The following HECTD4 variants were observed in gnomAD, a reference collection of about 807,000 sequenced individuals.
HECTD4 encodes the protein HECT domain E3 ubiquitin protein ligase 4, also known as probable E3 ubiquitin-protein ligase HECTD4.
Under a neutral mutation model 471.5 loss-of-function variants are expected in HECTD4, and 114 were observed. The observed-to-expected ratio is 0.24, with a 90% CI of 0.21 to 0.28. The LOEUF is 0.28. Among genes scored for constraint, HECTD4 ranks in the 10% least tolerant of loss-of-function variants. The pLI is 1.00. For missense variants in HECTD4, 3,866 were observed against 5,651.5 expected, an observed-to-expected ratio of 0.68 and a Z score of 10.13; for synonymous variants, 2,012 against 2,256.0, an observed-to-expected ratio of 0.89 and a Z score of 3.07.
chr12:112,233,155 G>A (rs2033422427), intron 37 of HECTD4, 70 bp from the exon 38 acceptor site: 5 of 1,232,122 alleles, frequency 4.1e-6, no homozygotes, highest in Non-Finnish European at 5.8e-6. Flanking sequence ...CATGCCATGG[G>A]GTCACCCAGT....
In HECTD4 at chr12:112,167,885, A is replaced by G; in HGVS notation, c.12241T>C (p.Cys4081Arg). Residue 4081 changes from cysteine (C) to arginine (R), a missense_variant, in exon 71 of 76, where the codon TGT (cysteine) becomes CGT (arginine). Physicochemically the swap from Cys to Arg is radical, Grantham distance 180 (BLOSUM62 -3). This residue lies in a region of HECTD4 where 715 missense variants were observed against 1,087.6 expected (regional missense o/e 0.66). Transcript: ENST00000682272. ...GSFRHFLWQVCKELQSSSLSL... is the reference protein window; with the variant it reads ...GSFRHFLWQVRKELQSSSLSL... The stretch of plus-strand genomic sequence containing the variant: ...AGCGAGGAACTCTGCAGCTCCTTAC[A>G]CACCTGCCACAGGAAGTGGCGGAAA... The G allele has an allele frequency of 6.2e-7, 1 of 1,613,388 alleles. No homozygotes were observed. The highest frequency in any genetic ancestry group is 8.5e-7 in the Non-Finnish European group (1 of 1,179,854).
At chr12:112,191,637 G>C (rs1419887123) in intron 59 of HECTD4, among the ~76,000 whole-genome samples, 1 of 152,128 alleles carries the variant, frequency 6.6e-6, no homozygotes, top group Non-Finnish European at 1.5e-5. Context: ...TGTATACTCT[G>C]GGGTGAATGT....
chr12:112,196,259 C>A (rs1417001665), intron 55 of HECTD4, among the ~76,000 whole-genome samples: 1 of 152,104 alleles, frequency 6.6e-6, no homozygotes, highest in Non-Finnish European at 1.5e-5. Context: ...GGTGTAATGG[C>A]AATTAAAGAA....
intron 72 of HECTD4, 90 bp downstream of exon 72, chr12:112,167,227 G>T (rs1347783383): frequency 5.1e-6 from 6 of 1,167,354 alleles, no homozygotes; most frequent in Non-Finnish European, 7.4e-6. Context: ...CCCAGCCTCA[G>T]CGGGGAGCTC....
At chr12:112,168,869 G>A (rs968110820) in intron 70 of HECTD4, among the ~76,000 whole-genome samples, 1 of 152,226 alleles carries the variant, frequency 6.6e-6, no homozygotes, top group Non-Finnish European at 1.5e-5. Flanking sequence ...GTTGCTCTCA[G>A]AGAGGCCTAG....
chr12:112,266,821 A>C, intron 14 of HECTD4, 91 bp downstream of exon 14: 1 of 729,216 alleles, frequency 1.4e-6, no homozygotes, highest in Admixed American at 2.3e-5. Flanking sequence ...AACATACATG[A>C]AGAAGTGTAA....
At chr12:112,299,080 G>C (rs1349355425) in intron 7 of HECTD4, among the ~76,000 whole-genome samples, 1 of 152,098 alleles carries the variant, frequency 6.6e-6, no homozygotes, top group African/African-American at 2.4e-5. Context: ...GTTTTTCAAT[G>C]ATGAAAAATT....
At position 112,300,759 on chromosome 12, in the gene HECTD4, G is replaced by A. The variant is rs2035146307; in HGVS notation, c.1335+5305C>T. Among the ~76,000 whole-genome samples the A allele has an allele frequency of 2.0e-5, 3 of 151,974 alleles. 1 individual carries two copies. The Middle Eastern group carries it at 0.01, about 520-fold the overall frequency. The stretch of plus-strand genomic sequence containing the variant: ...ACTACAGGAGTGTGCCATCATGCCT[G>A]CATAATCTAAAAAAAATTTTTGTAG... On this transcript the variant is annotated intron_variant, in intron 7 of 75. Coordinates refer to ENST00000682272, the MANE Select transcript of HECTD4 (RefSeq NM_001388303.1).
chr12:112,366,794 C>T (rs545307536), intron 1 of HECTD4, among the ~76,000 whole-genome samples: 1 of 149,994 alleles, frequency 6.7e-6, no homozygotes, highest in Non-Finnish European at 1.5e-5. Flanking sequence ...GCAGGAGAAT[C>T]GCTTGAACCC....
chr12:112,200,861 G>C, intron 54 of HECTD4, 63 bp from the exon 55 acceptor site: 1 of 1,460,788 alleles, frequency 6.8e-7, no homozygotes, highest in Non-Finnish European at 9.4e-7. Flanking sequence ...GTGTGCGTGC[G>C]TGCGTGTGTG....
At chr12:112,326,764 A>C (rs1389860134) in intron 1 of HECTD4, among the ~76,000 whole-genome samples, 1 of 152,214 alleles carries the variant, frequency 6.6e-6, no homozygotes, top group African/African-American at 2.4e-5. Context: ...TCCTGTAAGG[A>C]TAAACATCGA....
rs752326847 is a variant in HECTD4 at position 112,163,026 on chromosome 12, C to T, written c.13120+16G>A. On this transcript the variant is annotated intron_variant, in intron 75 of 75. Coordinates refer to ENST00000682272, the MANE Select transcript of HECTD4 (RefSeq NM_001388303.1). The surrounding 1 kb of genome is among the most constrained non-coding windows in gnomAD (Gnocchi z 8.2). ...AGTGTGTCCCTACTTGGGACATGGC[C>T]AGGGGAGGGCGGTACCTGCTGTGCC... is the stretch of plus-strand genomic sequence containing the variant. The T allele has an allele frequency of 5.1e-6, 8 of 1,578,582 alleles. No individual in the cohort carries two copies. The highest frequency in any genetic ancestry group is 2.7e-5 in the African/African-American group (2 of 74,276).
chr12:112,287,390 C>A (rs1196345265), intron 7 of HECTD4, among the ~76,000 whole-genome samples: 9 of 152,106 alleles, frequency 5.9e-5, no homozygotes, highest in African/African-American at 1.9e-4. Context: ...GCTTAGTCAT[C>A]TGGATCATAA....
intron 60 of HECTD4, among the ~76,000 whole-genome samples, chr12:112,189,334 C>T (rs995060667): frequency 3.3e-5 from 5 of 151,836 alleles, no homozygotes; most frequent in African/African-American, 1.2e-4. Context: ...GGGTGGATCA[C>T]GAGGTCAGGA....
At chr12:112,241,946 A>T (rs2135578440) in intron 32 of HECTD4, among the ~76,000 whole-genome samples, 2 of 152,312 alleles carry the variant, frequency 1.3e-5, no homozygotes, top group South Asian at 4.1e-4. Flanking sequence ...GTTGGCCAGA[A>T]TTCCTCAAAG....
Position 112,270,661 on chromosome 12 carries a change from T to C in HECTD4, c.1943-202A>G, listed in dbSNP as rs536955653. On this transcript the variant is annotated intron_variant, in intron 11 of 75. Transcript: ENST00000682272. Reference sequence around the variant, plus strand: ...TTGGGGAGTTCATTTGTTTGGAACATAAGTAGCTACCACTTCCTGAGCCCT... The same window carrying C: ...TTGGGGAGTTCATTTGTTTGGAACACAAGTAGCTACCACTTCCTGAGCCCT... Among the ~76,000 whole-genome samples the C allele has an allele frequency of 7.2e-5, 11 of 152,326 alleles. 1 individual carries two copies. In the East Asian group the frequency reaches 1.7e-3, roughly 24 times the overall value.
In HECTD4 at chr12:112,352,273, C is replaced by T. The variant is rs190878513; in HGVS notation, c.177+29679G>A. On this transcript the variant is annotated intron_variant, in intron 1 of 75. Coordinates refer to ENST00000682272, the MANE Select transcript of HECTD4 (RefSeq NM_001388303.1). ...TAGAATTGCTTTGAGAGCTTTTAAA[C>T]GAGACTAATGAGTTGGTCTCATCCC... Among the ~76,000 whole-genome samples, 560 of 151,356 alleles carry T rather than the reference C, an allele frequency of 3.7e-3. 2 individuals are homozygous for T. Among genetic ancestry groups the T allele is most frequent in the African/African-American group, 0.013 (532 of 41,234 alleles).
At chr12:112,376,731 T>C (rs556504809) in intron 1 of HECTD4, among the ~76,000 whole-genome samples, 1 of 152,286 alleles carries the variant, frequency 6.6e-6, no homozygotes, top group Non-Finnish European at 1.5e-5. Context: ...CTGTATGGGA[T>C]GTTCTTTCCC....
chr12:112,176,851 T>C (rs2031468875), intron 64 of HECTD4, 149 bp from the exon 65 acceptor site: 1 of 639,938 alleles, frequency 1.6e-6, no homozygotes, highest in Non-Finnish European at 2.8e-6. Context: ...AGACCGCCTT[T>C]GTTCTGAGTG....
Sources: allele counts gnomAD v4.1 joint callset (sites outside exome capture counted in the v4.1 genomes callset), GRCh38; gene constraint gnomAD v4.1.1; regional missense constraint gnomAD v4.1.1; non-coding constraint Gnocchi (gnomAD v3.1); transcripts MANE v1.5; gene names NCBI Gene and HGNC (gene_info 2026-07-23, HGNC 2026-07-21).